The following DMXL1 variants were observed in gnomAD, a reference collection of about 807,000 sequenced individuals.
The protein encoded by DMXL1 is dmX-like protein 1.
In DMXL1, 99 loss-of-function variants were observed where a neutral mutation model predicts 319.2. The observed-to-expected ratio is 0.31, with a 90% CI of 0.26 to 0.37. DMXL1 has a LOEUF of 0.37. Ranked by LOEUF, DMXL1 falls within the 10% of genes least tolerant of loss-of-function variation. DMXL1 has a pLI of 1.00. For synonymous variants in DMXL1, 1,385 were observed against 1,235.2 expected (o/e 1.12, Z -2.54); for missense variants, 3,745 against 3,595.6 (o/e 1.04, Z -1.06).
At chr5:119,178,550 G>A (rs372949894) in intron 28 of DMXL1, 36 of 924,794 alleles carry the variant, frequency 3.9e-5, no homozygotes, top group African/African-American at 1.2e-4. Context: ...TCCCAAATAC[G>A]GATTCTTTCT....
At chr5:119,221,460 T>C (rs1318225901) in intron 37 of DMXL1, among the ~76,000 whole-genome samples, 2 of 152,090 alleles carry the variant, frequency 1.3e-5, no homozygotes, top group Non-Finnish European at 2.9e-5. Flanking sequence ...CATTGTTTTT[T>C]CAATAGTTGA....
At chr5:119,102,172 G>T in intron 3 of DMXL1, 166 bp downstream of exon 3, 1 of 435,344 alleles carries the variant, frequency 2.3e-6, no homozygotes, top group Non-Finnish European at 4.1e-6. Context: ...ATTTTTCATT[G>T]GAATAGAACT....
rs376988255 is a variant in DMXL1 at position 119,134,377 on chromosome 5, C to G, written c.2364C>G (p.Asn788Lys). The G allele has an allele frequency of 1.2e-6, 2 of 1,608,752 alleles. No homozygotes were observed. Among genetic ancestry groups the G allele is most frequent in the Non-Finnish European group, 1.7e-6 (2 of 1,178,226 alleles). ...AGAAACTTTTATCTGAGCTTTCTAACCCTGAAATTTCTGTAAGTAATGTCT... is the reference window on the plus strand; with the variant it reads ...AGAAACTTTTATCTGAGCTTTCTAAGCCTGAAATTTCTGTAAGTAATGTCT... ...DAKKLLSELSNPEISKYVGEV... is the reference protein window; with the variant it reads ...DAKKLLSELSKPEISKYVGEV... The change falls in exon 13 of 44, where the codon AAC (asparagine) becomes AAG (lysine). Residue 788 changes from asparagine to lysine, a missense_variant. Around this residue, in one of 4 missense-constraint regions of DMXL1, gnomAD observed 2,096 missense variants for 1,985.4 expected, o/e 1.06. Transcript: ENST00000539542.
rs1432738947 is a variant in DMXL1 at position 119,148,974 on chromosome 5, T to A, written c.3147T>A (p.Val1049=). 6.2e-7 allele frequency: 1 copy of A among 1,613,968 alleles called. No individual in the cohort carries two copies. The highest frequency in any genetic ancestry group is 1.7e-5 in the Admixed American group (1 of 60,006). ...CTGTACCTGGTAGGCCTGTAGAAGT[T>A]AGCTGTGCACATACAAATCGTTTAG... ...SITVPGRPVE[V]SCAHTNRLAV... Residue 1049 remains valine, a synonymous_variant, in exon 18 of 44, where the codon GTT becomes GTA. Coordinates refer to ENST00000539542, the MANE Select transcript of DMXL1 (RefSeq NM_001290321.3).
At chr5:119,246,728 G>A (rs1341174927) in intron 43 of DMXL1, among the ~76,000 whole-genome samples, 1 of 151,294 alleles carries the variant, frequency 6.6e-6, no homozygotes, top group African/African-American at 2.4e-5. Context: ...CCACCTCCCG[G>A]GTCGAAGCAG....
At position 119,244,107 on chromosome 5, in the gene DMXL1, A is replaced by G. The variant is rs148639195; in HGVS notation, c.8705-252A>G. On this transcript the variant is annotated intron_variant, in intron 42 of 43. Transcript: ENST00000539542. ...CAACCAGGGTTCCTCTCCTGGTGCC[A>G]TGGTCAGGAAACTCTAAGTAGTAAG... is the stretch of plus-strand genomic sequence containing the variant. 2.6e-5 allele frequency among the ~76,000 whole-genome samples: 4 copies of G among 152,316 alleles called. No homozygotes were observed. The East Asian group carries it at 7.7e-4, about 29-fold the overall frequency.
intron 28 of DMXL1, among the ~76,000 whole-genome samples, chr5:119,185,493 CTT>C (rs1010530520): frequency 1.3e-5 from 2 of 151,778 alleles, no homozygotes; most frequent in African/African-American, 4.9e-5. Flanking sequence ...ATCTTCCAGA[CTT>C]TTTTTGTTTG....
chr5:119,228,235 G>C (rs1012559377), intron 38 of DMXL1, among the ~76,000 whole-genome samples: 2 of 152,176 alleles, frequency 1.3e-5, no homozygotes, highest in Non-Finnish European at 2.9e-5. Context: ...ACCTTTCAGA[G>C]TCTTTTCTAT....
chr5:119,101,797 A>G, intron 2 of DMXL1, 138 bp from the exon 3 acceptor site: 1 of 646,546 alleles, frequency 1.5e-6, no homozygotes, highest in African/African-American at 1.9e-5. Flanking sequence ...ATAGTCTTCA[A>G]AACTGACATT....
At chr5:119,124,659 G>C (rs767909356) in intron 9 of DMXL1, among the ~76,000 whole-genome samples, 3 of 149,498 alleles carry the variant, frequency 2.0e-5, no homozygotes, top group African/African-American at 7.4e-5. Context: ...TCTGCCTCTC[G>C]GGTTCAAGTG....
intron 13 of DMXL1, among the ~76,000 whole-genome samples, chr5:119,137,771 A>G (rs912685673): frequency 6.6e-6 from 1 of 152,204 alleles, no homozygotes; most frequent in African/African-American, 2.4e-5. Context: ...CTCCCCTGCC[A>G]TGCAGAACTG....
chr5:119,183,662 C>T (rs981344067), intron 28 of DMXL1, among the ~76,000 whole-genome samples: 3 of 151,940 alleles, frequency 2.0e-5, no homozygotes, highest in African/African-American at 4.8e-5. Flanking sequence ...TTGGTAGAGA[C>T]GGGCTAGGCT....
At chr5:119,189,583 C>A in intron 28 of DMXL1, 125 bp from the exon 29 acceptor site, 1 of 859,370 alleles carries the variant, frequency 1.2e-6, no homozygotes. Context: ...TGTGTACTTT[C>A]ATAATCTCAA....
chr5:119,134,345 G>A lies in DMXL1; in HGVS notation c.2332G>A (p.Asp778Asn). The change falls in exon 13 of 44, where the codon GAT becomes AAT. Residue 778 changes from aspartate (D) to asparagine (N), a missense_variant. Physicochemically the swap from Asp to Asn is conservative, Grantham distance 23. Around this residue, in one of 4 missense-constraint regions of DMXL1, gnomAD observed 2,096 missense variants for 1,985.4 expected, o/e 1.06. Transcript: ENST00000539542. ...QYLRLYEAVI[D>N]AKKLLSELSN... ...TCTGAGATTATATGAAGCAGTTATTGATGCTAAGAAACTTTTATCTGAGCT... is the reference window on the plus strand; with the variant it reads ...TCTGAGATTATATGAAGCAGTTATTAATGCTAAGAAACTTTTATCTGAGCT... The A allele has an allele frequency of 6.2e-7, 1 of 1,613,682 alleles. No homozygotes were observed. The highest frequency in any genetic ancestry group is 8.5e-7 in the Non-Finnish European group (1 of 1,179,872).
At chr5:119,192,358 A>G (rs903752426) in intron 29 of DMXL1, among the ~76,000 whole-genome samples, 6 of 151,938 alleles carry the variant, frequency 3.9e-5, no homozygotes, top group African/African-American at 1.5e-4. Flanking sequence ...TCTCTGTTGA[A>G]TCCTTCACAT....
intron 8 of DMXL1, among the ~76,000 whole-genome samples, chr5:119,120,286 C>G (rs1334968446): frequency 1.3e-5 from 2 of 152,196 alleles, no homozygotes; most frequent in Non-Finnish European, 2.9e-5. Context: ...GAATAGTATT[C>G]TGATGCCTCA....
intron 10 of DMXL1, among the ~76,000 whole-genome samples, chr5:119,132,132 G>A (rs1215958165): frequency 1.3e-5 from 2 of 152,104 alleles, no homozygotes; most frequent in African/African-American, 4.8e-5. Context: ...CTGTTTGCGG[G>A]CTGTGATAGA....
At chr5:119,120,453 A>G (rs1001884596) in intron 8 of DMXL1, among the ~76,000 whole-genome samples, 17 of 152,214 alleles carry the variant, frequency 1.1e-4, no homozygotes, top group Non-Finnish European at 1.2e-4. Context: ...AGACCATTTT[A>G]TCATATGAAA....
intron 33 of DMXL1, chr5:119,206,589 G>C (rs916238249): frequency 6.9e-6 from 2 of 287,990 alleles, no homozygotes; most frequent in Admixed American, 1.0e-4. Context: ...AAACTTCTTA[G>C]GGTTAGAATA....
Sources: allele counts gnomAD v4.1 joint callset (sites outside exome capture counted in the v4.1 genomes callset), GRCh38; gene constraint gnomAD v4.1.1; regional missense constraint gnomAD v4.1.1; transcripts MANE v1.5; gene names NCBI Gene and HGNC (gene_info 2026-07-23, HGNC 2026-07-21).